WSB1: variants seen among roughly 807,000 people sequenced by gnomAD.
WSB1 encodes the protein WD repeat and SOCS box-containing protein 1.
Under a neutral mutation model 50.2 loss-of-function variants are expected in WSB1, and 23 were observed. That is an observed-to-expected ratio of 0.46 (90% CI 0.33 to 0.65). The LOEUF (loss-of-function observed/expected upper bound fraction) is 0.65. Among genes scored for constraint, WSB1 ranks in the 30% least tolerant of loss-of-function variants. The probability of loss-of-function intolerance (pLI) is 0.02; values close to 1 mark genes in which losing one functional copy is unlikely to be tolerated. For synonymous variants in WSB1, 179 were observed against 172.0 expected, an observed-to-expected ratio of 1.04 and a Z score of -0.32; for missense variants, 492 against 522.3, an observed-to-expected ratio of 0.94 and a Z score of 0.56.
At chr17:27,306,286 C>T (rs1014506097) in intron 4 of WSB1, among the ~76,000 whole-genome samples, 39 of 143,052 alleles carry the variant, frequency 2.7e-4, no homozygotes, top group African/African-American at 1.0e-3. Flanking sequence ...GATCTCCGCT[C>T]ACTGCAGCCT....
Position 27,301,796 on chromosome 17 carries a change from C to T in WSB1, c.49C>T (p.Arg17Cys), listed in dbSNP as rs2017240688. Reference sequence around the variant, plus strand: ...TTTATTTTTCCTTTTAGTGAGATTACGTACTATAGGTGAACTTTTAGCTCC... The same window carrying T: ...TTTATTTTTCCTTTTAGTGAGATTATGTACTATAGGTGAACTTTTAGCTCC... ...RVNEKEIVRL[R>C]TIGELLAPAA... Residue 17 changes from arginine to cysteine, a missense_variant, in exon 2 of 9, where the codon CGT becomes TGT. Transcript: ENST00000262394. 2 of 1,613,762 alleles carry T rather than the reference C, an allele frequency of 1.2e-6. No homozygotes were observed. Among genetic ancestry groups the T allele is most frequent in the Non-Finnish European group, 1.7e-6 (2 of 1,179,834 alleles).
At chr17:27,301,418 TAATTTCTTGCATTTTAA>T (rs976899011) in intron 1 of WSB1, among the ~76,000 whole-genome samples, 50 of 152,266 alleles carry the variant, frequency 3.3e-4, no homozygotes, top group African/African-American at 1.0e-3. Context: ...CAACTAAGTT[TAATTTCTTGCATTTTAA>T]ATGTTAATAA....
At chr17:27,299,468 G>T (rs1309610945) in intron 1 of WSB1, among the ~76,000 whole-genome samples, 1 of 152,204 alleles carries the variant, frequency 6.6e-6, no homozygotes. Context: ...CAGTTATTGT[G>T]CTACTGCGCT....
Position 27,300,859 on chromosome 17 carries a change from G to A in WSB1, c.41-929G>A, listed in dbSNP as rs148864193. Reference sequence around the variant, plus strand: ...CACACTCCAGCATACCACCATGCCCGGCTATAATGCATTTTCTTTTATTTT... The same window carrying A: ...CACACTCCAGCATACCACCATGCCCAGCTATAATGCATTTTCTTTTATTTT... On this transcript the variant is annotated intron_variant, in intron 1 of 8. Transcript: ENST00000262394. 1.1e-3 allele frequency among the ~76,000 whole-genome samples: 165 copies of A among 150,506 alleles called. 1 individual carries two copies. Among genetic ancestry groups the A allele is most frequent in the African/African-American group, 3.8e-3 (156 of 41,068 alleles).
rs769983656 is a variant in WSB1, at chr17:27,312,333, T to C, written c.1230T>C (p.Pro410=). 6.2e-7 allele frequency: 1 copy of C among 1,614,130 alleles called. No individual in the cohort carries two copies. Among genetic ancestry groups the C allele is most frequent in the Non-Finnish European group, 8.5e-7 (1 of 1,180,016 alleles). The change falls in exon 9 of 9, where the codon CCT becomes CCC. Residue 410 remains proline (P), a synonymous_variant. Coordinates refer to ENST00000262394, the MANE Select transcript of WSB1 (RefSeq NM_015626.10). ...PTQEVQELPI[P]SKLLEFLSYR... ...AAGAAGTTCAGGAGCTGCCGATTCCTTCCAAGCTTTTGGAGTTTCTCTCGT... is the reference window on the plus strand; with the variant it reads ...AAGAAGTTCAGGAGCTGCCGATTCCCTCCAAGCTTTTGGAGTTTCTCTCGT...
chr17:27,298,365 A>G (rs2017077285), intron 1 of WSB1, among the ~76,000 whole-genome samples: 1 of 152,078 alleles, frequency 6.6e-6, no homozygotes, highest in Admixed American at 6.6e-5. Flanking sequence ...TGCTTGTAAA[A>G]TGTTTTTAAA....
intron 1 of WSB1, among the ~76,000 whole-genome samples, chr17:27,297,848 G>A (rs897176608): frequency 1.3e-5 from 2 of 151,876 alleles, no homozygotes; most frequent in African/African-American, 4.8e-5. Flanking sequence ...TGGCTCATGC[G>A]TGTAATCCCA....
rs950604074 is a variant in WSB1, at chr17:27,294,227, G to A, written c.-169G>A. The stretch of plus-strand genomic sequence containing the variant: ...TCCGTACTTTGGTCTGAGGCCTTCG[G>A]GAGCTTTCCCGAGGCAGTTAGCAGA... On this transcript the variant is annotated 5_prime_UTR_variant, in exon 1 of 9. Transcript: ENST00000262394. 5.9e-6 allele frequency: 5 copies of A among 840,752 alleles called. No individual in the cohort carries two copies. The highest frequency in any genetic ancestry group is 9.2e-6 in the Non-Finnish European group (5 of 542,694). 52.1% of individuals were successfully genotyped at this position (840,752 alleles called of 1,614,324 possible).
Position 27,308,573 on chromosome 17 carries a change from A to G in WSB1, c.712-527A>G, listed in dbSNP as rs543171380. On this transcript the variant is annotated intron_variant, in intron 5 of 8. Coordinates refer to ENST00000262394, the MANE Select transcript of WSB1 (RefSeq NM_015626.10). The stretch of plus-strand genomic sequence containing the variant: ...AATTTCATTTGGCTGTGAATATTCT[A>G]TTTGCTTGCAGTATCTGTTTCTCTT... 18 of 985,824 alleles carry G rather than the reference A, an allele frequency of 1.8e-5. No individual in the cohort carries two copies. The East Asian group carries it at 5.7e-4, about 31-fold the overall frequency. 61.1% of individuals were successfully genotyped at this position (985,824 alleles called of 1,614,324 possible).
Position 27,310,142 on chromosome 17 carries a change from T to G in WSB1, c.966T>G (p.Asp322Glu). ...RWVRSVSFSH[D>E]GLHVASLADD... is the part of the protein sequence containing the mutation. The stretch of plus-strand genomic sequence containing the variant: ...TACGATCTGTATCTTTTAGCCATGA[T>G]GGACTGCATGTTGCAAGCCTTGCTG... The change falls in exon 7 of 9, where the codon GAT becomes GAG. Residue 322 changes from aspartate (D) to glutamate (E), a missense_variant. By Grantham distance (45) the Asp-to-Glu change is conservative (BLOSUM62 2). Coordinates refer to ENST00000262394, the MANE Select transcript of WSB1 (RefSeq NM_015626.10). 1 of 1,614,108 alleles carries G rather than the reference T, an allele frequency of 6.2e-7. No homozygotes were observed. Among genetic ancestry groups the G allele is most frequent in the Non-Finnish European group, 8.5e-7 (1 of 1,179,944 alleles).
At position 27,315,842 on chromosome 17, in the gene WSB1, AT is replaced by A. The variant is rs1192635335; in HGVS notation, c.*3474del. On this transcript the variant is annotated 3_prime_UTR_variant, in exon 9 of 9. Coordinates refer to ENST00000262394, the MANE Select transcript of WSB1 (RefSeq NM_015626.10). Reference sequence around the variant, plus strand: ...GCATAGAAAAAGCATAAGTTGGAGTATACTGGGTTTTTTTGTTGTTGTTAAA... The same window carrying A: ...GCATAGAAAAAGCATAAGTTGGAGTAACTGGGTTTTTTTGTTGTTGTTAAA... 1.3e-5 allele frequency: 2 copies of A among 152,264 alleles called. No homozygotes were observed. The allele number at this position is 152,264 out of a possible 1,614,324, so 9.4% of individuals were successfully genotyped here. A position where few individuals can be genotyped will look rare whatever the true frequency, so the allele number is the denominator to read the frequency against.
At chr17:27,306,715 C>T in intron 4 of WSB1, 67 bp from the exon 5 acceptor site, 1 of 1,478,890 alleles carries the variant, frequency 6.8e-7, no homozygotes, top group Non-Finnish European at 9.4e-7. Flanking sequence ...TGCTTTACTG[C>T]TGTTTTGAAA....
chr17:27,309,511 T>G (rs1398097820), intron 6 of WSB1, among the ~76,000 whole-genome samples: 2 of 152,228 alleles, frequency 1.3e-5, no homozygotes, highest in African/African-American at 4.8e-5. Flanking sequence ...GAAGTACTAA[T>G]TATGTTTAGA....
At chr17:27,312,135 G>T in intron 8 of WSB1, 75 bp from the exon 9 acceptor site, 1 of 1,530,994 alleles carries the variant, frequency 6.5e-7, no homozygotes. Context: ...TGTATTGGGT[G>T]ATAGTTGTTT....
At chr17:27,307,921 T>C in intron 5 of WSB1, 1 of 1,263,104 alleles carries the variant, frequency 7.9e-7, no homozygotes, top group Non-Finnish European at 1.0e-6. Context: ...CGTACACAGG[T>C]GCTGGTCGAT....
At position 27,312,401 on chromosome 17, in the gene WSB1, A is replaced by T. The variant is rs1388250638; in HGVS notation, c.*32A>T. The T allele has an allele frequency of 4.4e-6, 7 of 1,605,388 alleles. No individual in the cohort carries two copies. The South Asian group carries it at 7.8e-5, about 18-fold the overall frequency. On this transcript the variant is annotated 3_prime_UTR_variant, in exon 9 of 9. Coordinates refer to ENST00000262394, the MANE Select transcript of WSB1 (RefSeq NM_015626.10). ...CTGCCTTCCCTAGTAGTAGGGACTG[A>T]CAGAATACACTTAACACAAACCTCA...
intron 5 of WSB1, chr17:27,307,318 C>T (rs1359485352): frequency 4.7e-6 from 1 of 210,752 alleles, no homozygotes; most frequent in Non-Finnish European, 9.5e-6. Context: ...AAAAATAGCA[C>T]TCATGTATGT....
chr17:27,307,402 TGTTAAGAGG>T (rs2017506503), intron 5 of WSB1: 2 of 329,926 alleles, frequency 6.1e-6, no homozygotes, highest in Admixed American at 9.3e-5. Context: ...GTAAAGTGAC[TGTTAAGAGG>T]GTTATGCTTA....
rs2017480205 is a variant in WSB1, at chr17:27,306,848, C to T, written c.677C>T (p.Ser226Phe). 1.9e-6 allele frequency: 3 copies of T among 1,614,174 alleles called. No individual in the cohort carries two copies. Among genetic ancestry groups the T allele is most frequent in the East Asian group, 2.2e-5 (1 of 44,882 alleles). The change falls in exon 5 of 9, where the codon TCT becomes TTT. Residue 226 changes from serine (S) to phenylalanine (F), a missense_variant. Coordinates refer to ENST00000262394, the MANE Select transcript of WSB1 (RefSeq NM_015626.10). ...TACAGCTGTGCATTCTCTCCTGACT[C>T]TTCTATGCTGTGTTCAGTCGGAGCC... is the stretch of plus-strand genomic sequence containing the variant. Reference protein sequence around the residue: ...WVYSCAFSPDSSMLCSVGASK... With the variant: ...WVYSCAFSPDFSMLCSVGASK...
Sources: allele counts gnomAD v4.1 joint callset (sites outside exome capture counted in the v4.1 genomes callset), GRCh38; gene constraint gnomAD v4.1.1; transcripts MANE v1.5; gene names NCBI Gene and HGNC (gene_info 2026-07-23, HGNC 2026-07-21).